Variants in CDH2 observed in about 807,000 individuals in gnomAD.
CDH2 encodes the protein cadherin-2.
Under a neutral mutation model 92.0 loss-of-function variants are expected in CDH2, and 17 were observed. The ratio of observed to expected loss-of-function variants is 0.18; its 90% confidence interval spans 0.13 to 0.28. The LOEUF (loss-of-function observed/expected upper bound fraction) is 0.28, where lower values mean the gene tolerates loss of function less well. CDH2 is among the 10% of genes least tolerant of loss of function. The pLI is 1.00. For synonymous variants in CDH2, 419 were observed against 415.9 expected (o/e 1.01, Z -0.09); for missense variants, 862 against 1,133.1 (o/e 0.76, Z 3.44).
At chr18:28,163,253 G>A (rs138403074) in intron 1 of CDH2, among the ~76,000 whole-genome samples, 4 of 152,180 alleles carry the variant, frequency 2.6e-5, no homozygotes, top group African/African-American at 7.2e-5. Flanking sequence ...AAATTAGGGG[G>A]AAACTATGCA....
At chr18:28,115,634 C>T (rs1306725940) in intron 2 of CDH2, among the ~76,000 whole-genome samples, 10 of 152,130 alleles carry the variant, frequency 6.6e-5, no homozygotes, top group Non-Finnish European at 1.5e-4. Context: ...ACACAGGAAC[C>T]ACCACAACCA....
At chr18:28,077,100 G>C (rs1349665995) in intron 2 of CDH2, among the ~76,000 whole-genome samples, 1 of 152,028 alleles carries the variant, frequency 6.6e-6, no homozygotes, top group Non-Finnish European at 1.5e-5. Flanking sequence ...TCATCAAACA[G>C]CCAAATTGGT....
chr18:27,992,763 A>G lies in CDH2; in HGVS notation c.1236T>C (p.His412=). Residue 412 remains histidine, a synonymous_variant, in exon 9 of 16, where the codon CAT becomes CAC. Transcript: ENST00000269141. ...NLTVTDKDQP[H]TPAWNAVYRI... ...TGTACACTGCGTTCCAGGCTGGTGTATGGGGTTGATCCTTATCGGTCACAG... is the reference window on the plus strand; with the variant it reads ...TGTACACTGCGTTCCAGGCTGGTGTGTGGGGTTGATCCTTATCGGTCACAG... 1 of 1,613,988 alleles carries G rather than the reference A, an allele frequency of 6.2e-7. No homozygotes were observed. Among genetic ancestry groups the G allele is most frequent in the Non-Finnish European group, 8.5e-7 (1 of 1,179,922 alleles).
At chr18:27,936,312 T>A (rs1598974315) in intron 6 of CDH2, among the ~76,000 whole-genome samples, 1 of 152,268 alleles carries the variant, frequency 6.6e-6, no homozygotes, top group East Asian at 1.9e-4. Context: ...CAGATAAGGA[T>A]GCGGATGCCA....
chr18:27,949,188 A>G (rs961718338), downstream of CDH2, among the ~76,000 whole-genome samples: 1 of 151,970 alleles, frequency 6.6e-6, no homozygotes, highest in African/African-American at 2.4e-5. Context: ...TGTGGTTACT[A>G]TTTTGAGCTG....
intron 2 of CDH2, among the ~76,000 whole-genome samples, chr18:28,034,814 T>C (rs1255086990): frequency 2.6e-5 from 4 of 152,152 alleles, no homozygotes; most frequent in African/African-American, 9.6e-5. Flanking sequence ...TTACAATGAG[T>C]ATAAATCCTT....
chr18:28,037,237 T>A (rs1282638015), intron 2 of CDH2, among the ~76,000 whole-genome samples: 1 of 152,176 alleles, frequency 6.6e-6, no homozygotes, highest in African/African-American at 2.4e-5. Flanking sequence ...AAAGATGCTC[T>A]AAGTGCAAAC....
At chr18:27,956,872 G>A (rs776546171) in intron 15 of CDH2, among the ~76,000 whole-genome samples, 1 of 152,110 alleles carries the variant, frequency 6.6e-6, no homozygotes, top group Non-Finnish European at 1.5e-5. Flanking sequence ...AAACTGGAAG[G>A]TGTTAACTCA....
chr18:28,174,299 GCC>G (rs1229472665), intron 1 of CDH2, among the ~76,000 whole-genome samples: 1 of 151,908 alleles, frequency 6.6e-6, no homozygotes, highest in Non-Finnish European at 1.5e-5. Flanking sequence ...CTGCAGGACA[GCC>G]ACTTTCACCT....
chr18:28,138,180 G>A (rs1190651063), intron 2 of CDH2, among the ~76,000 whole-genome samples: 2 of 151,916 alleles, frequency 1.3e-5, no homozygotes, highest in East Asian at 1.9e-4. Flanking sequence ...GGGCCATTAC[G>A]TGATTGGGTT....
At position 28,176,996 on chromosome 18, in the gene CDH2, C is replaced by G; in HGVS notation, c.27G>C (p.Arg9=). 6.8e-7 allele frequency: 1 copy of G among 1,480,576 alleles called. No individual in the cohort carries two copies. Among genetic ancestry groups the G allele is most frequent in the South Asian group, 1.3e-5 (1 of 78,640 alleles). 91.7% of individuals were successfully genotyped at this position (1,480,576 alleles called of 1,614,324 possible). Residue 9 remains arginine (R), a synonymous_variant, in exon 1 of 16, where the codon CGG becomes CGC. Transcript: ENST00000269141. MCRIAGAL[R]TLLPLLAALL... Reference sequence around the variant, plus strand: ...GGGCCGCCAGCAGCGGCAGCAGGGTCCGCAGCGCTCCCGCTATCCGGCACA... The same window carrying G: ...GGGCCGCCAGCAGCGGCAGCAGGGTGCGCAGCGCTCCCGCTATCCGGCACA...
intron 1 of CDH2, among the ~76,000 whole-genome samples, chr18:28,171,701 CG>C (rs2016466919): frequency 6.6e-6 from 1 of 152,112 alleles, no homozygotes; most frequent in Non-Finnish European, 1.5e-5. Flanking sequence ...CCACAACCTT[CG>C]AAAAGGAGAT....
At chr18:28,132,993 A>G (rs1465772366) in intron 2 of CDH2, among the ~76,000 whole-genome samples, 1 of 152,164 alleles carries the variant, frequency 6.6e-6, no homozygotes, top group Non-Finnish European at 1.5e-5. Context: ...CTCCCATGTC[A>G]AACCAATCTC....
At chr18:28,151,963 G>A (rs2016129627) in intron 1 of CDH2, among the ~76,000 whole-genome samples, 1 of 152,134 alleles carries the variant, frequency 6.6e-6, no homozygotes, top group Non-Finnish European at 1.5e-5. Context: ...CATGTATCCT[G>A]AAATTTGAAT....
At chr18:28,005,460 T>G (rs2012888331) in intron 6 of CDH2, among the ~76,000 whole-genome samples, 1 of 152,182 alleles carries the variant, frequency 6.6e-6, no homozygotes. Context: ...TGTGTTAAAT[T>G]GCTGCTACGT....
chr18:28,013,137 C>G (rs1207067994), intron 3 of CDH2, among the ~76,000 whole-genome samples: 3 of 152,162 alleles, frequency 2.0e-5, no homozygotes, highest in Non-Finnish European at 4.4e-5. Flanking sequence ...GAATGGCACT[C>G]TGTTGGAAAT....
intron 14 of CDH2, among the ~76,000 whole-genome samples, chr18:27,968,383 A>C (rs1456929803): frequency 6.6e-6 from 1 of 152,198 alleles, no homozygotes; most frequent in Admixed American, 6.5e-5. Flanking sequence ...GAAAGAGTTT[A>C]CTGAGGGGGA....
chr18:28,007,165 A>AAAAAAAAAAATATATATAT, intron 5 of CDH2, among the ~76,000 whole-genome samples: 1 of 110,462 alleles, frequency 9.1e-6, no homozygotes, highest in African/African-American at 4.4e-5. Context: ...ATAAAAAAAA[A>AAAAAAAAAAATATATATAT]ATATATATAT....
At chr18:28,001,029 G>A (rs1175996708) in intron 7 of CDH2, among the ~76,000 whole-genome samples, 2 of 151,632 alleles carry the variant, frequency 1.3e-5, no homozygotes, top group Non-Finnish European at 2.9e-5. Context: ...AGAAAAGGAA[G>A]GTTTTCCATA....
Sources: gnomAD v4.1 joint callset for allele counts (sites outside exome capture counted in the v4.1 genomes callset) on GRCh38, gnomAD v4.1.1 for gene constraint, MANE v1.5 for transcripts, NCBI Gene and HGNC (gene_info 2026-07-23, HGNC 2026-07-21) for gene names.